OGFOD2: variants seen among roughly 807,000 people sequenced by gnomAD.
OGFOD2 encodes 2-oxoglutarate and iron-dependent oxygenase domain-containing protein 2.
OGFOD2 carries 34 observed loss-of-function variants against 31.1 expected under a neutral mutation model. The ratio of observed to expected loss-of-function variants is 1.09; its 90% confidence interval spans 0.83 to 1.45. The LOEUF (loss-of-function observed/expected upper bound fraction) is 1.45, where lower values mean the gene tolerates loss of function less well. Among genes scored for constraint, OGFOD2 ranks in the 40% most tolerant of loss-of-function variants. OGFOD2 has a pLI of 0.00. For missense variants in OGFOD2, 537 were observed against 433.9 expected (o/e 1.24, Z -2.11); for synonymous variants, 240 against 192.3 (o/e 1.25, Z -2.05).
At chr12:122,975,217 T>C (rs1017229943), upstream of OGFOD2, 1 of 596,906 alleles carries the variant, frequency 1.7e-6, no homozygotes, top group African/African-American at 1.9e-5. Flanking sequence ...CCGAAGTCTC[T>C]CTACGGAAGC....
At chr12:122,976,261 C>T (rs766581970) in intron 2 of OGFOD2, 4 of 936,912 alleles carry the variant, frequency 4.3e-6, no homozygotes, top group Non-Finnish European at 5.1e-6. Flanking sequence ...AGGCTGCTGC[C>T]AGGGCTGCTG....
chr12:122,977,176 T>C (rs1221536619), intron 4 of OGFOD2: 1 of 622,480 alleles, frequency 1.6e-6, no homozygotes, highest in African/African-American at 1.8e-5. Flanking sequence ...GGTATCTTCA[T>C]TCTTTCCTTC....
rs930568070 is a variant in OGFOD2, at chr12:122,975,882, C to T, written c.189+15C>T. The T allele has an allele frequency of 4.3e-6, 3 of 700,752 alleles. No individual in the cohort carries two copies. Among genetic ancestry groups the T allele is most frequent in the Admixed American group, 2.0e-5 (1 of 49,976 alleles). The allele number at this position is 700,752 out of a possible 1,614,324, so 43.4% of individuals were successfully genotyped here. On this transcript the variant is annotated intron_variant, in intron 2 of 6. Transcript: ENST00000228922. ...TGTTAGCAGAGGTACCAGTCCCCTGCCCCTGCACAGCTCCTCCTCGTTAGA... is the reference window on the plus strand; with the variant it reads ...TGTTAGCAGAGGTACCAGTCCCCTGTCCCTGCACAGCTCCTCCTCGTTAGA...
intron 1 of OGFOD2, 149 bp downstream of exon 1, chr12:122,975,532 C>T (rs904351245): frequency 9.8e-5 from 58 of 594,078 alleles, no homozygotes; most frequent in Non-Finnish European, 1.6e-4. Flanking sequence ...TCGGTTTTCT[C>T]ACCGTAAAGG....
At chr12:122,979,654 C>T (rs1594102744) in exon 7 of OGFOD2, 1 of 398,648 alleles carries the variant, frequency 2.5e-6, no homozygotes, top group African/African-American at 2.0e-5. Context: ...CCCACAGTAC[C>T]ACAGTGTGCC....
exon 7 of OGFOD2, chr12:122,979,868 A>C: frequency 4.2e-6 from 1 of 236,236 alleles, no homozygotes; most frequent in Non-Finnish European, 8.1e-6. Context: ...AGAGGGGTGA[A>C]TGGCAGGGCC....
intron 4 of OGFOD2, 44 bp from the exon 5 acceptor site, chr12:122,978,398 C>G (rs1366132925): frequency 4.4e-6 from 7 of 1,605,348 alleles, no homozygotes; most frequent in Non-Finnish European, 6.0e-6. Flanking sequence ...GCCTGGCCGG[C>G]CCACGGCCAC....
At chr12:122,978,674 A>T in intron 5 of OGFOD2, 79 bp from the exon 6 acceptor site, 1 of 1,587,256 alleles carries the variant, frequency 6.3e-7, no homozygotes, top group Non-Finnish European at 8.6e-7. Flanking sequence ...AAAGAAGGTC[A>T]CAGTGGGATC....
chr12:122,979,653 C>T (rs2037556060), exon 7 of OGFOD2: 4 of 397,268 alleles, frequency 1.0e-5, no homozygotes, highest in Non-Finnish European at 1.4e-5. Context: ...GCCCACAGTA[C>T]CACAGTGTGC....
exon 7 of OGFOD2, chr12:122,979,323 G>T (rs765077208): frequency 6.2e-7 from 1 of 1,610,916 alleles, no homozygotes; most frequent in Non-Finnish European, 8.5e-7. Flanking sequence ...GCCCGCCACG[G>T]TGGATGTATG....
intron 1 of OGFOD2, 160 bp from the exon 2 acceptor site, chr12:122,975,651 G>A (rs906821526): frequency 2.1e-5 from 13 of 626,234 alleles, no homozygotes; most frequent in Middle Eastern, 5.1e-4. Context: ...CCAGCCCGGA[G>A]CCCTGTCCTG....
rs376071389 is a variant in OGFOD2, at chr12:122,978,550, A to G, written c.512A>G (p.Asn171Ser). ...TCGGACATGCCTAAGGGGAGGCCCA[A>G]CACCATGAACAACTACGGGGTGGGT... The change falls in exon 5 of 7, where the codon AAC becomes AGC. Residue 171 changes from asparagine to serine, a missense_variant. Coordinates refer to ENST00000228922, the Ensembl canonical transcript of OGFOD2. 1.9e-5 allele frequency: 30 copies of G among 1,612,970 alleles called. No individual in the cohort carries two copies. The highest frequency in any genetic ancestry group is 2.5e-5 in the Non-Finnish European group (29 of 1,179,820).
chr12:122,978,529 A>G, exon 5 of OGFOD2: 1 of 1,613,490 alleles, frequency 6.2e-7, no homozygotes, highest in South Asian at 1.1e-5. Context: ...GAGCAATCGG[A>G]CATGCCTAAG....
At chr12:122,977,171 C>T (rs192074448) in intron 4 of OGFOD2, 14 of 632,480 alleles carry the variant, frequency 2.2e-5, no homozygotes, top group South Asian at 3.4e-5. Flanking sequence ...AGCCTGGTAT[C>T]TTCATTCTTT....
At chr12:122,975,746 G>A (rs1029046941) in intron 1 of OGFOD2, 65 bp from the exon 2 acceptor site, 1 of 674,188 alleles carries the variant, frequency 1.5e-6, no homozygotes, top group African/African-American at 1.8e-5. Context: ...GGGAAACTGA[G>A]GCTTAGAGAG....
intron 2 of OGFOD2, 48 bp downstream of exon 2, chr12:122,975,915 C>A: frequency 2.9e-6 from 2 of 692,910 alleles, no homozygotes; most frequent in South Asian, 1.5e-5. Context: ...AGATTTGTGT[C>A]CGCAGCTTGA....
chr12:122,975,657 TC>T, intron 1 of OGFOD2, 153 bp from the exon 2 acceptor site: 2 of 632,216 alleles, frequency 3.2e-6, no homozygotes, highest in Non-Finnish European at 5.8e-6. Context: ...CGGAGCCCTG[TC>T]CTGAGCTTGA....
chr12:122,975,783 T>C, intron 1 of OGFOD2, 28 bp from the exon 2 acceptor site: 1 of 702,480 alleles, frequency 1.4e-6, no homozygotes, highest in Non-Finnish European at 2.6e-6. Context: ...GGTCATACAG[T>C]CATGCTCAGT....
intron 4 of OGFOD2, 136 bp from the exon 5 acceptor site, chr12:122,978,305 TC>T: frequency 9.2e-7 from 1 of 1,091,250 alleles, no homozygotes; most frequent in Admixed American, 2.6e-5. Flanking sequence ...TCATGTTACT[TC>T]CTTAAGTCAT....
Sources: allele counts gnomAD v4.1 joint callset, GRCh38; gene constraint gnomAD v4.1.1; transcripts MANE v1.5; gene names NCBI Gene and HGNC (gene_info 2026-07-23, HGNC 2026-07-21).